CELF2: variants seen among roughly 807,000 people sequenced by gnomAD.
CELF2 encodes CUG triplet repeat RNA-binding protein 2.
Under a neutral mutation model 62.6 loss-of-function variants are expected in CELF2, and 8 were observed. The ratio of observed to expected loss-of-function variants is 0.13; its 90% CI spans 0.07 to 0.23. The LOEUF (loss-of-function observed/expected upper bound fraction) is 0.23, where lower values mean the gene tolerates loss of function less well. Among genes scored for constraint, CELF2 ranks in the 10% least tolerant of loss-of-function variants. CELF2 has a pLI of 1.00. For synonymous variants in CELF2, 258 were observed against 250.0 expected (o/e 1.03, Z -0.30); for missense variants, 333 against 671.0 (o/e 0.50, Z 5.56).
the CELF2 span, among the ~76,000 whole-genome samples, chr10:10,567,175 A>G: frequency 6.6e-6 from 1 of 152,206 alleles, no homozygotes; most frequent in Non-Finnish European, 1.5e-5. Context: ...CATTTCCTCT[A>G]TTGTTAAGTC....
At chr10:11,142,657 C>T (rs997818187) in intron 1 of CELF2, among the ~76,000 whole-genome samples, 1 of 138,806 alleles carries the variant, frequency 7.2e-6, no homozygotes, top group African/African-American at 2.8e-5. Context: ...GCGGTCCAGC[C>T]TGGGTGACAG....
the CELF2 span, among the ~76,000 whole-genome samples, chr10:10,667,181 G>A: frequency 2.0e-5 from 3 of 152,178 alleles, no homozygotes; most frequent in South Asian, 2.1e-4. Context: ...GTCTCCTGGC[G>A]TTGTGTCTAT....
At chr10:10,849,342 G>A (rs1295973771) in intron 1 of CELF2, among the ~76,000 whole-genome samples, 1 of 152,102 alleles carries the variant, frequency 6.6e-6, no homozygotes, top group Non-Finnish European at 1.5e-5. Flanking sequence ...AGGAGGCAGA[G>A]GTTGCAGTGA....
At chr10:11,196,435 G>A (rs1393180149) in intron 2 of CELF2, among the ~76,000 whole-genome samples, 1 of 152,164 alleles carries the variant, frequency 6.6e-6, no homozygotes, top group Non-Finnish European at 1.5e-5. Flanking sequence ...ACCAAGGCTG[G>A]AGGATCACTT....
Position 10,938,314 on chromosome 10 carries a change from C to G in CELF2, c.89+18315C>G, listed in dbSNP as rs1017426887. On this transcript the variant is annotated intron_variant, in intron 2 of 13. Transcript: ENST00000636488. The surrounding 1 kb of genome is among the most constrained non-coding windows in gnomAD (Gnocchi z 4.2). ...TATTTAGATTTAACAAAGGGCTGAA[C>G]AGAGCAGCCAGTCCAAAGACCCAAA... Among the ~76,000 whole-genome samples the G allele has an allele frequency of 6.6e-6, 1 of 152,196 alleles. No homozygotes were observed.
the CELF2 span, among the ~76,000 whole-genome samples, chr10:10,674,544 G>C: frequency 6.6e-6 from 1 of 152,092 alleles, no homozygotes; most frequent in African/African-American, 2.4e-5. Flanking sequence ...TTGGATTGCT[G>C]TCTACCATAT....
chr10:11,285,600 C>T lies in CELF2; in HGVS notation c.842-2818C>T, dbSNP rs376127230. ...GGGTGAGAGAAGGACTAAACATGGG[C>T]CCTAGTAAGTATCTGTACAGTGGAT... On this transcript the variant is annotated intron_variant, in intron 8 of 12. Coordinates refer to ENST00000633077, the MANE Select transcript of CELF2 (RefSeq NM_001326342.2). This position sits in a 1 kb window ranked among gnomAD's most constrained non-coding sequence, Gnocchi z 4.3. Among the ~76,000 whole-genome samples, 19 of 152,240 alleles carry T rather than the reference C, an allele frequency of 1.2e-4. 1 individual carries two copies. The East Asian group carries it at 3.3e-3, about 26-fold the overall frequency.
the CELF2 span, among the ~76,000 whole-genome samples, chr10:10,496,000 T>C: frequency 6.6e-6 from 1 of 152,246 alleles, no homozygotes; most frequent in East Asian, 1.9e-4. Flanking sequence ...GTAGTAGCAT[T>C]TTAGAGTCAG....
At chr10:10,628,410 A>G in the CELF2 span, among the ~76,000 whole-genome samples, 3 of 152,148 alleles carry the variant, frequency 2.0e-5, no homozygotes, top group African/African-American at 7.2e-5. Flanking sequence ...CCATGCTACT[A>G]GATCCTTCCT....
intron 2 of CELF2, chr10:10,923,969 A>T (rs1181482358): frequency 6.6e-6 from 1 of 152,128 alleles, no homozygotes; most frequent in Admixed American, 6.5e-5. Flanking sequence ...GGTTTTTAGG[A>T]TGAAGGGTGT....
At chr10:11,200,321 G>T (rs955423065) in intron 2 of CELF2, among the ~76,000 whole-genome samples, 2 of 152,046 alleles carry the variant, frequency 1.3e-5, no homozygotes, top group Non-Finnish European at 2.9e-5. Context: ...CTTTGTTCCC[G>T]TACCAAAATG....
the CELF2 span, among the ~76,000 whole-genome samples, chr10:10,557,073 A>G: frequency 6.8e-6 from 1 of 147,950 alleles, no homozygotes; most frequent in Non-Finnish European, 1.5e-5. Flanking sequence ...TTTTGTTGCC[A>G]TTGCTTTTGG....
At chr10:11,256,737 C>T (rs1284109301) in intron 4 of CELF2, among the ~76,000 whole-genome samples, 2 of 151,178 alleles carry the variant, frequency 1.3e-5, no homozygotes, top group Non-Finnish European at 2.9e-5. Context: ...GTTTTAACCT[C>T]GTCTTTCGGG....
the CELF2 span, among the ~76,000 whole-genome samples, chr10:10,634,192 A>G: frequency 6.6e-6 from 1 of 152,140 alleles, no homozygotes; most frequent in East Asian, 1.9e-4. Flanking sequence ...CCATGAACAT[A>G]GTACATTTTT....
chr10:10,961,435 G>A (rs920193680), intron 2 of CELF2, among the ~76,000 whole-genome samples: 11 of 152,156 alleles, frequency 7.2e-5, no homozygotes, highest in African/African-American at 2.7e-4. Context: ...TCAGTAACAC[G>A]GAAGATTTTG....
the CELF2 span, among the ~76,000 whole-genome samples, chr10:10,718,866 CA>C: frequency 6.6e-6 from 1 of 151,920 alleles, no homozygotes; most frequent in Non-Finnish European, 1.5e-5. Flanking sequence ...TTCTTGAGCC[CA>C]AATATTTTAA....
the CELF2 span, among the ~76,000 whole-genome samples, chr10:10,624,765 C>T: frequency 0.027 from 4,038 of 152,262 alleles, 170 homozygotes; most frequent in African/African-American, 0.091. Context: ...TTAAGACAGT[C>T]GTCCCAGGTT....
In CELF2 at chr10:11,243,185, C is replaced by A. The variant is rs571705275; in HGVS notation, c.355-5968C>A. On this transcript the variant is annotated intron_variant, in intron 3 of 12. Coordinates refer to ENST00000633077, the MANE Select transcript of CELF2 (RefSeq NM_001326342.2). This position sits in a 1 kb window ranked among gnomAD's most constrained non-coding sequence, Gnocchi z 4.1. ...AGCAGCAACAGAGCTTCAGCAGATG[C>A]CTTCTTGGGACCGCGCTTGACTCTA... Among the ~76,000 whole-genome samples, 1 of 152,190 alleles carries A rather than the reference C, an allele frequency of 6.6e-6. No homozygotes were observed. Among genetic ancestry groups the A allele is most frequent in the East Asian group, 1.9e-4 (1 of 5,176 alleles).
At chr10:10,515,051 C>G in the CELF2 span, among the ~76,000 whole-genome samples, 1 of 152,244 alleles carries the variant, frequency 6.6e-6, no homozygotes, top group Non-Finnish European at 1.5e-5. Flanking sequence ...AAATGTTTTG[C>G]CTGTGGCATT....
Sources: gnomAD v4.1 joint callset for allele counts (sites outside exome capture counted in the v4.1 genomes callset) on GRCh38, gnomAD v4.1.1 for gene constraint, Gnocchi (gnomAD v3.1) non-coding constraint, MANE v1.5 for transcripts, NCBI Gene and HGNC (gene_info 2026-07-23, HGNC 2026-07-21) for gene names.